MON2: variants seen among roughly 807,000 people sequenced by gnomAD.
MON2 encodes protein MON2 homolog.
Under a neutral mutation model 208.6 loss-of-function variants are expected in MON2, and 84 were observed. The observed-to-expected ratio is 0.40, with a 90% CI of 0.34 to 0.48. The LOEUF is 0.48. MON2 is among the 20% of genes least tolerant of loss of function. The pLI is 0.59. For synonymous variants in MON2, 660 were observed against 694.0 expected (o/e 0.95, Z 0.77); for missense variants, 1,611 against 2,015.4 (o/e 0.80, Z 3.84).
At chr12:62,542,020 G>T (rs1356439634) in intron 19 of MON2, among the ~76,000 whole-genome samples, 11 of 152,090 alleles carry the variant, frequency 7.2e-5, no homozygotes, top group African/African-American at 2.4e-4. Context: ...GGTTACCCAA[G>T]GTTATATAGC....
At chr12:62,470,811 G>A in intron 1 of MON2, 2 of 911,658 alleles carry the variant, frequency 2.2e-6, no homozygotes, top group Non-Finnish European at 2.7e-6. Flanking sequence ...ATTTTATACT[G>A]AAGATGATTG....
intron 2 of MON2, among the ~76,000 whole-genome samples, chr12:62,489,284 C>A (rs1419249376): frequency 6.6e-6 from 1 of 151,962 alleles, no homozygotes; most frequent in Non-Finnish European, 1.5e-5. Flanking sequence ...TTTTAAAAGT[C>A]TTTTGGTAAT....
At chr12:62,517,123 T>A (rs925515828) in intron 8 of MON2, among the ~76,000 whole-genome samples, 1 of 152,190 alleles carries the variant, frequency 6.6e-6, no homozygotes, top group African/African-American at 2.4e-5. Flanking sequence ...CTTCCTCACT[T>A]GTTCCCTAAA....
chr12:62,556,131 A>G lies in MON2; in HGVS notation c.3348A>G (p.Val1116=), dbSNP rs1477985897. ...AGAAGCAATGGGCTGAGACGTGGGTATTAACATTGGCTGGAGTAGCAAGGA... is the reference window on the plus strand; with the variant it reads ...AGAAGCAATGGGCTGAGACGTGGGTGTTAACATTGGCTGGAGTAGCAAGGA... The part of the protein sequence containing the change: ...TAEKQWAETW[V]LTLAGVARIF... Residue 1116 remains valine (V), a synonymous_variant, in exon 25 of 35, where the codon GTA becomes GTG. Coordinates refer to ENST00000393630, the MANE Select transcript of MON2 (RefSeq NM_015026.3). 2 of 1,614,108 alleles carry G rather than the reference A, an allele frequency of 1.2e-6. No individual in the cohort carries two copies. The highest frequency in any genetic ancestry group is 1.7e-6 in the Non-Finnish European group (2 of 1,180,018).
intron 1 of MON2, among the ~76,000 whole-genome samples, chr12:62,470,172 GC>G (rs1215046389): frequency 3.3e-5 from 5 of 152,026 alleles, no homozygotes; most frequent in African/African-American, 7.2e-5. Context: ...CTCCCAAAGT[GC>G]TAGGATTATA....
intron 34 of MON2, chr12:62,588,937 T>C (rs1417106202): frequency 7.2e-7 from 1 of 1,388,416 alleles, no homozygotes; most frequent in Non-Finnish European, 9.6e-7. Flanking sequence ...TTTCTTTTCA[T>C]TGAATGCAAA....
Position 62,599,458 on chromosome 12 carries a change from G to A in MON2, c.*6709G>A, listed in dbSNP as rs1319129095. On this transcript the variant is annotated 3_prime_UTR_variant, in exon 35 of 35. Transcript: ENST00000393630. ...GAAAGTATAAAACAAGAATTTGTAC[G>A]TTACTCAGTGTGTACTGCAGTCAGA... The A allele has an allele frequency of 6.6e-6, 1 of 152,074 alleles. No homozygotes were observed. The highest frequency in any genetic ancestry group is 1.5e-5 in the Non-Finnish European group (1 of 68,016). The allele number at this position is 152,074 out of a possible 1,614,324, so 9.4% of individuals were successfully genotyped here.
At chr12:62,484,664 AT>A (rs1322062982) in intron 2 of MON2, 1 of 153,238 alleles carries the variant, frequency 6.5e-6, no homozygotes, top group Non-Finnish European at 1.5e-5. Context: ...AGTCTTCTGT[AT>A]TTAGTTGTAC....
intron 32 of MON2, among the ~76,000 whole-genome samples, chr12:62,583,383 G>GTGTGA (rs1437665584): frequency 5.3e-5 from 8 of 151,716 alleles, no homozygotes; most frequent in African/African-American, 1.9e-4. Flanking sequence ...TAAAGATGTA[G>GTGTGA]AGTTCAGTGA....
chr12:62,517,048 A>T (rs1026515004), intron 8 of MON2, among the ~76,000 whole-genome samples: 17 of 152,196 alleles, frequency 1.1e-4, no homozygotes, highest in Non-Finnish European at 2.1e-4. Context: ...TCAGGTGGCC[A>T]GGTCATATGG....
chr12:62,557,618 C>T (rs1008165262), intron 25 of MON2, among the ~76,000 whole-genome samples: 1 of 152,088 alleles, frequency 6.6e-6, no homozygotes, highest in South Asian at 2.1e-4. Context: ...TTTATTATTT[C>T]GTGTTTGGCA....
At chr12:62,525,288 G>A in intron 10 of MON2, 68 bp downstream of exon 10, 1 of 1,517,974 alleles carries the variant, frequency 6.6e-7, no homozygotes, top group South Asian at 1.2e-5. Flanking sequence ...TGTTCTGAGA[G>A]GATATTATGA....
At chr12:62,515,240 GTTCA>G (rs1432045517) in intron 8 of MON2, among the ~76,000 whole-genome samples, 22 of 152,320 alleles carry the variant, frequency 1.4e-4, no homozygotes, top group African/African-American at 5.1e-4. Flanking sequence ...CAGTTCCAGT[GTTCA>G]TTGTCAGATG....
At chr12:62,472,985 A>C (rs1361841520) in intron 1 of MON2, among the ~76,000 whole-genome samples, 1 of 149,858 alleles carries the variant, frequency 6.7e-6, no homozygotes, top group East Asian at 2.1e-4. Flanking sequence ...ACATATTTCA[A>C]AATTTGATTT....
chr12:62,512,087 G>A (rs1019980837), intron 8 of MON2, among the ~76,000 whole-genome samples: 2 of 152,064 alleles, frequency 1.3e-5, no homozygotes, highest in Non-Finnish European at 2.9e-5. Flanking sequence ...CTCCCACCAG[G>A]TCCCTCCCAC....
chr12:62,568,610 A>G (rs1233223504), intron 29 of MON2, among the ~76,000 whole-genome samples: 1 of 152,086 alleles, frequency 6.6e-6, no homozygotes, highest in Non-Finnish European at 1.5e-5. Context: ...AAGCACTAGG[A>G]TTGTAGGTGT....
chr12:62,483,215 C>T (rs2069553226), intron 1 of MON2, among the ~76,000 whole-genome samples: 2 of 151,978 alleles, frequency 1.3e-5, no homozygotes, highest in Admixed American at 6.5e-5. Flanking sequence ...TAGAGCATAG[C>T]TCAATTCAGA....
At position 62,538,157 on chromosome 12, in the gene MON2, C is replaced by T. The variant is rs1565660958; in HGVS notation, c.2180C>T (p.Ala727Val). 6.2e-7 allele frequency: 1 copy of T among 1,613,680 alleles called. No individual in the cohort carries two copies. The change falls in exon 17 of 35, where the codon GCT becomes GTT. Residue 727 changes from alanine to valine, a missense_variant. By Grantham distance (64) the Ala-to-Val change is moderately conservative. Coordinates refer to ENST00000393630, the MANE Select transcript of MON2 (RefSeq NM_015026.3). ...GGCGGTGCCTTGAAACCTGGGAGAG[C>T]TGTAGAAGGACCCAGTACAGTAAGC... is the stretch of plus-strand genomic sequence containing the variant. ...SSGGALKPGR[A>V]VEGPSTVLTT...
In MON2 at chr12:62,538,156, G is replaced by A. The variant is rs755424303; in HGVS notation, c.2179G>A (p.Ala727Thr). The change falls in exon 17 of 35, where the codon GCT (alanine) becomes ACT (threonine). Residue 727 changes from alanine to threonine, a missense_variant. Coordinates refer to ENST00000393630, the MANE Select transcript of MON2 (RefSeq NM_015026.3). ...SSGGALKPGRAVEGPSTVLTT... is the reference protein window; with the variant it reads ...SSGGALKPGRTVEGPSTVLTT... Reference sequence around the variant, plus strand: ...TGGCGGTGCCTTGAAACCTGGGAGAGCTGTAGAAGGACCCAGTACAGTAAG... The same window carrying A: ...TGGCGGTGCCTTGAAACCTGGGAGAACTGTAGAAGGACCCAGTACAGTAAG... The A allele has an allele frequency of 6.2e-7, 1 of 1,613,756 alleles. No homozygotes were observed. The highest frequency in any genetic ancestry group is 8.5e-7 in the Non-Finnish European group (1 of 1,179,852).
Sources: allele counts gnomAD v4.1 joint callset (sites outside exome capture counted in the v4.1 genomes callset), GRCh38; gene constraint gnomAD v4.1.1; transcripts MANE v1.5; gene names NCBI Gene and HGNC (gene_info 2026-07-23, HGNC 2026-07-21).